ZNF383: variants seen among roughly 807,000 people sequenced by gnomAD.
The protein encoded by ZNF383 is zinc finger protein 383.
A neutral mutation model predicts 44.2 loss-of-function variants in ZNF383; 32 were observed. The ratio of observed to expected loss-of-function variants is 0.72; its 90% CI spans 0.55 to 0.97. ZNF383 has a LOEUF of 0.97. ZNF383 is among the 50% of genes least tolerant of loss of function. The probability of loss-of-function intolerance (pLI) is 0.00; values close to 1 mark genes in which losing one functional copy is unlikely to be tolerated. For synonymous variants in ZNF383, 155 were observed against 186.2 expected, an observed-to-expected ratio of 0.83 and a Z score of 1.36; for missense variants, 487 against 562.5, an observed-to-expected ratio of 0.87 and a Z score of 1.36.
chr19:37,236,049 A>G lies in ZNF383; in HGVS notation c.207A>G (p.Arg69=). The G allele has an allele frequency of 6.2e-7, 1 of 1,613,888 alleles. No individual in the cohort carries two copies. Among genetic ancestry groups the G allele is most frequent in the Admixed American group, 1.7e-5 (1 of 59,988 alleles). ...GGAAAGAGCCCTGGATGGTTGGCAGAGAGCTTACAAGAGGCCTGTGTTCAG... is the reference window on the plus strand; with the variant it reads ...GGAAAGAGCCCTGGATGGTTGGCAGGGAGCTTACAAGAGGCCTGTGTTCAG... ...EQGKEPWMVG[R]ELTRGLCSDL... is the part of the protein sequence containing the mutation. Residue 69 remains arginine, a synonymous_variant, in exon 5 of 6, where the codon AGA becomes AGG. Coordinates refer to ENST00000684119, the MANE Select transcript of ZNF383 (RefSeq NM_001387601.1).
intron 1 of ZNF383, among the ~76,000 whole-genome samples, chr19:37,221,831 C>T (rs567299480): frequency 6.6e-6 from 1 of 151,042 alleles, no homozygotes; most frequent in African/African-American, 2.4e-5. Context: ...TGGCGGCCGC[C>T]TATAGTCCCA....
intron 1 of ZNF383, among the ~76,000 whole-genome samples, chr19:37,222,922 G>T (rs1444971246): frequency 6.6e-6 from 1 of 152,176 alleles, no homozygotes; most frequent in Non-Finnish European, 1.5e-5. Flanking sequence ...CCAAACTGCA[G>T]TGTAGACTTT....
chr19:37,230,032 A>G (rs1973407006), intron 2 of ZNF383, among the ~76,000 whole-genome samples: 1 of 151,890 alleles, frequency 6.6e-6, no homozygotes, highest in African/African-American at 2.4e-5. Flanking sequence ...TGGGGACCTG[A>G]GGGCTGCAAA....
Position 37,234,277 on chromosome 19 carries a change from G to A in ZNF383, c.10-1272G>A, listed in dbSNP as rs568644334. ...ATTTTCTCTAGATTTCCCCCAAAATGTGCCTCATCTCCCTGTACTTTTACA... is the reference window on the plus strand; with the variant it reads ...ATTTTCTCTAGATTTCCCCCAAAATATGCCTCATCTCCCTGTACTTTTACA... On this transcript the variant is annotated intron_variant, in intron 3 of 5. Transcript: ENST00000684119. Among the ~76,000 whole-genome samples, 27 of 152,258 alleles carry A rather than the reference G, an allele frequency of 1.8e-4. 1 individual carries two copies. Among genetic ancestry groups the A allele is most frequent in the Middle Eastern group, 3.4e-3 (1 of 294 alleles).
chr19:37,235,497 C>G (rs550902963), intron 3 of ZNF383, 52 bp from the exon 4 acceptor site: 154 of 1,601,212 alleles, frequency 9.6e-5, no homozygotes, highest in Non-Finnish European at 1.3e-4. Flanking sequence ...GCATCGTAGT[C>G]TCTGATACAT....
chr19:37,229,328 A>ATT (rs111342939), intron 2 of ZNF383, among the ~76,000 whole-genome samples: 10 of 132,824 alleles, frequency 7.5e-5, no homozygotes, highest in South Asian at 4.8e-4. Flanking sequence ...CTAATTTTGT[A>ATT]TTTTTTTTTT....
intron 2 of ZNF383, among the ~76,000 whole-genome samples, chr19:37,226,108 C>T (rs1456634307): frequency 6.6e-6 from 1 of 151,944 alleles, no homozygotes; most frequent in Non-Finnish European, 1.5e-5. Flanking sequence ...TGCTTGAATC[C>T]CTGACTTAGC....
At chr19:37,242,441 G>T (rs1459650390) in intron 5 of ZNF383, 28 bp from the exon 6 acceptor site, 6 of 1,440,692 alleles carry the variant, frequency 4.2e-6, no homozygotes, top group East Asian at 4.6e-5. Flanking sequence ...TAGGAAAAAA[G>T]AACATTTACC....
intron 1 of ZNF383, among the ~76,000 whole-genome samples, chr19:37,218,980 A>T (rs965860478): frequency 6.6e-6 from 1 of 152,096 alleles, no homozygotes; most frequent in East Asian, 1.9e-4. Context: ...GCTATGTTTG[A>T]GGGGTCTGTA....
chr19:37,223,755 C>T (rs183495072), intron 1 of ZNF383, among the ~76,000 whole-genome samples: 1 of 152,060 alleles, frequency 6.6e-6, no homozygotes, highest in East Asian at 1.9e-4. Flanking sequence ...GAATGTTGGC[C>T]GGGCGCAGTG....
chr19:37,237,616 C>T (rs555900254), intron 5 of ZNF383, among the ~76,000 whole-genome samples: 37 of 152,130 alleles, frequency 2.4e-4, no homozygotes, highest in Admixed American at 7.2e-4. Context: ...CAGCAGAATA[C>T]CTCACATCGA....
intron 3 of ZNF383, among the ~76,000 whole-genome samples, chr19:37,232,714 G>A (rs61215183): frequency 2.7e-3 from 418 of 152,284 alleles, no homozygotes; most frequent in African/African-American, 9.6e-3. Flanking sequence ...CTGAAGGACA[G>A]TTCATATAGG....
chr19:37,236,954 A>AACACACACACACACACAC (rs35036376), intron 5 of ZNF383, among the ~76,000 whole-genome samples: 3 of 146,758 alleles, frequency 2.0e-5, no homozygotes, highest in South Asian at 4.4e-4. Flanking sequence ...CACACATGTG[A>AACACACACACACACACAC]ACACACACAC....
intron 2 of ZNF383, among the ~76,000 whole-genome samples, chr19:37,225,519 C>G (rs780007032): frequency 6.6e-6 from 1 of 152,110 alleles, no homozygotes; most frequent in African/African-American, 2.4e-5. Context: ...CCCTCTTTCC[C>G]CAGCCCCTGG....
chr19:37,224,035 GA>G (rs768388383), intron 1 of ZNF383, among the ~76,000 whole-genome samples: 46 of 141,810 alleles, frequency 3.2e-4, no homozygotes, highest in East Asian at 1.6e-3. Context: ...CTCCATCTCA[GA>G]AAAAAAAAAG....
Position 37,242,543 on chromosome 19 carries a change from G to T in ZNF383, c.307G>T (p.Glu103Ter), listed in dbSNP as rs770665342. The T allele has an allele frequency of 1.2e-6, 2 of 1,613,936 alleles. No homozygotes were observed. Among genetic ancestry groups the T allele is most frequent in the Non-Finnish European group, 1.7e-6 (2 of 1,179,914 alleles). ...EVYEIELCQR[E>*]IMGLTKHGLE... ...TTATGAAATAGAATTATGCCAGAGG[G>T]AGATAATGGGACTTACAAAGCATGG... The change falls in exon 6 of 6, where the codon GAG becomes TAG. Residue 103 changes from glutamate to a stop codon, truncating the protein, a stop_gained. Transcript: ENST00000684119. LOFTEE classifies it high-confidence loss of function.
chr19:37,239,855 T>C (rs919379040), intron 5 of ZNF383, among the ~76,000 whole-genome samples: 1 of 152,024 alleles, frequency 6.6e-6, no homozygotes, highest in African/African-American at 2.4e-5. Flanking sequence ...GGAGCTTAAC[T>C]AGATGAAAGT....
Position 37,244,696 on chromosome 19 carries a change from T to TA in ZNF383, c.*1033dup, listed in dbSNP as rs1477668699. The TA allele has an allele frequency of 1.3e-5, 2 of 152,190 alleles. No individual in the cohort carries two copies. Among genetic ancestry groups the TA allele is most frequent in the Non-Finnish European group, 2.9e-5 (2 of 68,032 alleles). The allele number at this position is 152,190 out of a possible 1,614,324, so 9.4% of individuals were successfully genotyped here. On this transcript the variant is annotated 3_prime_UTR_variant, in exon 6 of 6. Coordinates refer to ENST00000684119, the MANE Select transcript of ZNF383 (RefSeq NM_001387601.1). ...GGCCGGTCTTTTTATTTTACAAATG[T>TA]ACATTTTTAATTGTTAAGCCAAAAT...
At chr19:37,228,654 C>G (rs1973300324) in intron 2 of ZNF383, among the ~76,000 whole-genome samples, 1 of 151,906 alleles carries the variant, frequency 6.6e-6, no homozygotes, top group Non-Finnish European at 1.5e-5. Flanking sequence ...CCCTTTTCAT[C>G]TTGGGATATT....
Sources: allele counts gnomAD v4.1 joint callset (sites outside exome capture counted in the v4.1 genomes callset), GRCh38; gene constraint gnomAD v4.1.1; transcripts MANE v1.5; gene names NCBI Gene and HGNC (gene_info 2026-07-23, HGNC 2026-07-21).